The following KCNV1 variants were observed in gnomAD, a reference collection of about 807,000 sequenced individuals.
KCNV1 encodes potassium voltage-gated channel subfamily V member 1.
Under a neutral mutation model 36.4 loss-of-function variants are expected in KCNV1, and 2 were observed. That is an observed-to-expected ratio of 0.05 (90% confidence interval 0.02 to 0.17). The LOEUF is 0.17. Ranked by LOEUF, KCNV1 falls within the 10% of genes least tolerant of loss-of-function variation. The pLI is 1.00. For missense variants in KCNV1, 321 were observed against 643.6 expected (o/e 0.50, Z 5.42); for synonymous variants, 280 against 261.1 (o/e 1.07, Z -0.70).
chr8:109,973,831 A>G, intron 2 of KCNV1, 97 bp downstream of exon 2: 1 of 775,800 alleles, frequency 1.3e-6, no homozygotes, highest in Non-Finnish European at 1.8e-6. Context: ...GCCTGGCTCC[A>G]GCGAAGCTTG....
In KCNV1 at chr8:109,972,605, A is replaced by G. The variant is rs759927148; in HGVS notation, c.644T>C (p.Ile215Thr). 6.2e-7 allele frequency: 1 copy of G among 1,614,162 alleles called. No individual in the cohort carries two copies. Among genetic ancestry groups the G allele is most frequent in the Non-Finnish European group, 8.5e-7 (1 of 1,180,038 alleles). The change falls in exon 3 of 4, where the codon ATC (isoleucine) becomes ACC (threonine). Residue 215 changes from isoleucine (I) to threonine (T), a missense_variant. Around this residue, in one of 5 missense-constraint regions of KCNV1, gnomAD observed 141 missense variants for 225.0 expected, o/e 0.63. Transcript: ENST00000524391. This position sits in a 1 kb window ranked among gnomAD's most constrained non-coding sequence, Gnocchi z 5.2. ...GGACACCACCACGAAGATAATGGAGATGACGCCAAAGATACGGGCAGCTGT... is the reference window on the plus strand; with the variant it reads ...GGACACCACCACGAAGATAATGGAGGTGACGCCAAAGATACGGGCAGCTGT... ...SSTAARIFGV[I>T]SIIFVVVSII... is the part of the protein sequence containing the mutation.
chr8:109,965,146 T>A lies in KCNV1; in HGVS notation c.*2942A>T, dbSNP rs1457915002. On this transcript the variant is annotated 3_prime_UTR_variant, in exon 4 of 4. Transcript: ENST00000524391. ...TGGTGTGAACCCAAGAGGTGGAGCT[T>A]GCAGTGAGCCGAGATCGCGCCACTG... 1 of 152,182 alleles carries A rather than the reference T, an allele frequency of 6.6e-6. No individual in the cohort carries two copies. Among genetic ancestry groups the A allele is most frequent in the Admixed American group, 6.6e-5 (1 of 15,266 alleles). The allele number at this position is 152,182 out of a possible 1,614,324, so 9.4% of individuals were successfully genotyped here.
chr8:109,964,932 C>T lies in KCNV1; in HGVS notation c.*3156G>A, dbSNP rs1374285206. 3 of 152,202 alleles carry T rather than the reference C, an allele frequency of 2.0e-5. No individual in the cohort carries two copies. The highest frequency in any genetic ancestry group is 7.2e-5 in the African/African-American group (3 of 41,446). 9.4% of individuals were successfully genotyped at this position (152,202 alleles called of 1,614,324 possible). On this transcript the variant is annotated 3_prime_UTR_variant, in exon 4 of 4. Transcript: ENST00000524391. The stretch of plus-strand genomic sequence containing the variant: ...TGATGAAATAATCCGTGCAAAAAAA[C>T]TCTCATGACACAAGATTACCTGTAT...
At position 109,965,557 on chromosome 8, in the gene KCNV1, T is replaced by C. The variant is rs1447161590; in HGVS notation, c.*2531A>G. ...ATTTATATAGCTAACAGCACATTTG[T>C]AGAGAAGATGTTTAGGATCCTCCAT... On this transcript the variant is annotated 3_prime_UTR_variant, in exon 4 of 4. Coordinates refer to ENST00000524391, the MANE Select transcript of KCNV1 (RefSeq NM_014379.4). 1 of 152,210 alleles carries C rather than the reference T, an allele frequency of 6.6e-6. No individual in the cohort carries two copies. The highest frequency in any genetic ancestry group is 1.5e-5 in the Non-Finnish European group (1 of 68,026). 9.4% of individuals were successfully genotyped at this position (152,210 alleles called of 1,614,324 possible).
Position 109,968,553 on chromosome 8 carries a change from G to C in KCNV1, c.1038C>G (p.Val346=). 1 of 1,602,622 alleles carries C rather than the reference G, an allele frequency of 6.2e-7. No individual in the cohort carries two copies. ...GMTITQCYEE[V]GLLLLFLSVG... ...CGGATAGAAATAGGAGCAGTAGGCC[G>C]ACTTCTTCGTAACACTGGGTGATTG... The change falls in exon 4 of 4, where the codon GTC becomes GTG. Residue 346 remains valine, a synonymous_variant. Coordinates refer to ENST00000524391, the MANE Select transcript of KCNV1 (RefSeq NM_014379.4). The surrounding 1 kb of genome is among the most constrained non-coding windows in gnomAD (Gnocchi z 5.3).
In KCNV1 at chr8:109,974,733, G is replaced by A; in HGVS notation, c.-345C>T. ...GGCCCTTCCCAAACGTTGTCACCCC[G>A]CCTCCCAACTTCGCAATTGCGATTC... On this transcript the variant is annotated 5_prime_UTR_variant, in exon 2 of 4. Transcript: ENST00000524391. This position sits in a 1 kb window ranked among gnomAD's most constrained non-coding sequence, Gnocchi z 6.2. The A allele has an allele frequency of 3.0e-6, 1 of 329,432 alleles. No homozygotes were observed. The highest frequency in any genetic ancestry group is 5.6e-6 in the Non-Finnish European group (1 of 179,458). The allele number at this position is 329,432 out of a possible 1,614,324, so 20.4% of individuals were successfully genotyped here.
Position 109,965,815 on chromosome 8 carries a change from T to C in KCNV1, c.*2273A>G, listed in dbSNP as rs1333292784. On this transcript the variant is annotated 3_prime_UTR_variant, in exon 4 of 4. Coordinates refer to ENST00000524391, the MANE Select transcript of KCNV1 (RefSeq NM_014379.4). The stretch of plus-strand genomic sequence containing the variant: ...CTTGCCTGCCTAAAAAATAAATTTC[T>C]ATGCAGAGCTTGTGTAGGAAGAATG... 6.6e-6 allele frequency: 1 copy of C among 152,224 alleles called. No individual in the cohort carries two copies. The allele number at this position is 152,224 out of a possible 1,614,324, so 9.4% of individuals were successfully genotyped here.
In KCNV1 at chr8:109,972,700, G is replaced by T; in HGVS notation, c.549C>A (p.Asp183Glu). The T allele has an allele frequency of 3.7e-6, 6 of 1,614,170 alleles. No homozygotes were observed. The highest frequency in any genetic ancestry group is 5.1e-6 in the Non-Finnish European group (6 of 1,180,002). ...CAGTGGGACAAGGTCCTTGGGAGAA[G>T]TCCTGTTCACTCTCATGTTGACTTT... ...DQESQHESEQ[D>E]FSQGPCPTVR... Residue 183 changes from aspartate to glutamate, a missense_variant, in exon 3 of 4, where the codon GAC (aspartate) becomes GAA (glutamate). Asp to Glu is a conservative substitution (Grantham distance 45). Transcript: ENST00000524391. The surrounding 1 kb of genome is among the most constrained non-coding windows in gnomAD (Gnocchi z 5.2).
chr8:109,973,131 C>A (rs1450328873), intron 2 of KCNV1, among the ~76,000 whole-genome samples: 2 of 151,978 alleles, frequency 1.3e-5, no homozygotes, highest in African/African-American at 2.4e-5. Flanking sequence ...GTACGCACCA[C>A]CAGCACCCCC....
chr8:109,974,604 T>C lies in KCNV1; in HGVS notation c.-216A>G, dbSNP rs1820058018. Reference sequence around the variant, plus strand: ...GGAGTGCGCGGAAGCAGCGCACAAGTGGCAGAAAGAGGAGACAGGGAGCAG... The same window carrying C: ...GGAGTGCGCGGAAGCAGCGCACAAGCGGCAGAAAGAGGAGACAGGGAGCAG... On this transcript the variant is annotated 5_prime_UTR_variant, in exon 2 of 4. Transcript: ENST00000524391. The surrounding 1 kb of genome is among the most constrained non-coding windows in gnomAD (Gnocchi z 6.2). 2 of 582,874 alleles carry C rather than the reference T, an allele frequency of 3.4e-6. No homozygotes were observed. The highest frequency in any genetic ancestry group is 2.9e-5 in the East Asian group (1 of 34,982). 36.1% of individuals were successfully genotyped at this position (582,874 alleles called of 1,614,324 possible).
At chr8:109,971,195 G>A (rs182174477) in intron 3 of KCNV1, among the ~76,000 whole-genome samples, 24 of 152,160 alleles carry the variant, frequency 1.6e-4, no homozygotes, top group Non-Finnish European at 2.6e-4. Flanking sequence ...AAATTAATAT[G>A]GCATCATACT....
Position 109,974,770 on chromosome 8 carries a change from G to A in KCNV1, c.-382C>T, listed in dbSNP as rs1338952588. 5 of 267,176 alleles carry A rather than the reference G, an allele frequency of 1.9e-5. No homozygotes were observed. In the East Asian group the frequency reaches 4.0e-4, roughly 22 times the overall value. The allele number at this position is 267,176 out of a possible 1,614,324, so 16.6% of individuals were successfully genotyped here. ...CGCAATTGCGATTCCCAGCCCAGGA[G>A]GTGTACAGATTGAATGACTCGCTAC... On this transcript the variant is annotated 5_prime_UTR_variant, in exon 2 of 4. Coordinates refer to ENST00000524391, the MANE Select transcript of KCNV1 (RefSeq NM_014379.4). This position sits in a 1 kb window ranked among gnomAD's most constrained non-coding sequence, Gnocchi z 6.2.
intron 3 of KCNV1, among the ~76,000 whole-genome samples, chr8:109,969,089 G>C (rs768585695): frequency 4.6e-5 from 7 of 152,058 alleles, no homozygotes; most frequent in Non-Finnish European, 1.0e-4. Flanking sequence ...CACCTTCCTT[G>C]TAAAGTTTAA....
rs902007745 is a variant in KCNV1 at position 109,972,950 on chromosome 8, T to G, written c.462-163A>C. On this transcript the variant is annotated intron_variant, in intron 2 of 3. Coordinates refer to ENST00000524391, the MANE Select transcript of KCNV1 (RefSeq NM_014379.4). The surrounding 1 kb of genome is among the most constrained non-coding windows in gnomAD (Gnocchi z 5.2). The stretch of plus-strand genomic sequence containing the variant: ...TGTGTCTTACCCACAGTATTCAGAA[T>G]TTCTCCCTTAGAATTATGATTATTT... Among the ~76,000 whole-genome samples, 3 of 151,908 alleles carry G rather than the reference T, an allele frequency of 2.0e-5. No homozygotes were observed. Among genetic ancestry groups the G allele is most frequent in the Non-Finnish European group, 4.4e-5 (3 of 68,008 alleles).
Position 109,963,929 on chromosome 8 carries a change from T to C in KCNV1, c.*4159A>G, listed in dbSNP as rs1819914848. 6.6e-6 allele frequency: 1 copy of C among 152,118 alleles called. No individual in the cohort carries two copies. The highest frequency in any genetic ancestry group is 1.5e-5 in the Non-Finnish European group (1 of 67,994). The allele number at this position is 152,118 out of a possible 1,614,324, so 9.4% of individuals were successfully genotyped here. On this transcript the variant is annotated 3_prime_UTR_variant, in exon 4 of 4. Transcript: ENST00000524391. ...TGCATTTAAATGTCTGAAAGTAGTG[T>C]TTTCTAACAGGCAAAGATTTCATGA...
Position 109,972,141 on chromosome 8 carries a change from A to C in KCNV1, c.991+117T>G. 2 of 1,054,378 alleles carry C rather than the reference A, an allele frequency of 1.9e-6. No homozygotes were observed. The highest frequency in any genetic ancestry group is 2.2e-4 in the Middle Eastern group (1 of 4,638). 65.3% of individuals were successfully genotyped at this position (1,054,378 alleles called of 1,614,324 possible). A position where few individuals can be genotyped will look rare whatever the true frequency, so the allele number is the denominator to read the frequency against. On this transcript the variant is annotated intron_variant, in intron 3 of 3. Coordinates refer to ENST00000524391, the MANE Select transcript of KCNV1 (RefSeq NM_014379.4). The surrounding 1 kb of genome is among the most constrained non-coding windows in gnomAD (Gnocchi z 5.2). ...CTCCTTAGAGGTCATGATCAGGTAA[A>C]GTATGGGAGTTGGTAATTTTGAATA...
At position 109,968,204 on chromosome 8, in the gene KCNV1, A is replaced by G. The variant is rs78555621; in HGVS notation, c.1387T>C (p.Tyr463His). Residue 463 changes from tyrosine to histidine, a missense_variant, in exon 4 of 4, where the codon TAT becomes CAT. By Grantham distance (83) the Tyr-to-His change is moderately conservative. Coordinates refer to ENST00000524391, the MANE Select transcript of KCNV1 (RefSeq NM_014379.4). This position sits in a 1 kb window ranked among gnomAD's most constrained non-coding sequence, Gnocchi z 5.3. ...ACATCTCTCAAGTTAACACTGATAT[A>G]TGAGTCAGTGGCTATATTCTTGGTA... ...KLTKNIATDS[Y>H]ISVNLRDVYA... The G allele has an allele frequency of 2.5e-6, 4 of 1,614,066 alleles. No individual in the cohort carries two copies. The African/African-American group carries it at 5.3e-5, about 22-fold the overall frequency.
chr8:109,974,567 G>A lies in KCNV1; in HGVS notation c.-179C>T, dbSNP rs1820057354. ...CGCTGTGCGCCTTCCTCCTCCTGCC[G>A]CTAGGGAGCCGGGAGTGCGCGGAAG... On this transcript the variant is annotated 5_prime_UTR_variant, in exon 2 of 4. Transcript: ENST00000524391. The surrounding 1 kb of genome is among the most constrained non-coding windows in gnomAD (Gnocchi z 6.2). 4.5e-5 allele frequency: 27 copies of A among 595,654 alleles called. No homozygotes were observed. In the East Asian group the frequency reaches 7.6e-4, roughly 17 times the overall value. 36.9% of individuals were successfully genotyped at this position (595,654 alleles called of 1,614,324 possible).
At chr8:109,969,867 A>AG (rs1266885887) in intron 3 of KCNV1, among the ~76,000 whole-genome samples, 1 of 150,780 alleles carries the variant, frequency 6.6e-6, no homozygotes, top group Non-Finnish European at 1.5e-5. Flanking sequence ...AAAAAAAAAA[A>AG]GAAAGAAAGA....
Sources: allele counts gnomAD v4.1 joint callset (sites outside exome capture counted in the v4.1 genomes callset), GRCh38; gene constraint gnomAD v4.1.1; regional missense constraint gnomAD v4.1.1; non-coding constraint Gnocchi (gnomAD v3.1); transcripts MANE v1.5; gene names NCBI Gene and HGNC (gene_info 2026-07-23, HGNC 2026-07-21).